FBXO25: variants seen among roughly 807,000 people sequenced by gnomAD.
FBXO25 encodes F-box only protein 25.
Under a neutral mutation model 51.9 loss-of-function variants are expected in FBXO25, and 45 were observed. The observed-to-expected ratio is 0.87, with a 90% CI of 0.68 to 1.11. The LOEUF is 1.11. FBXO25 is among the 50% of genes most tolerant of loss of function. The pLI, the probability that FBXO25 is intolerant of heterozygous loss-of-function variation, is 0.00. For missense variants in FBXO25, 507 were observed against 428.5 expected (o/e 1.18, Z -1.62); for synonymous variants, 199 against 151.0 (o/e 1.32, Z -2.33).
chr8:455,820 C>G (rs1056400775), intron 7 of FBXO25, among the ~76,000 whole-genome samples: 1 of 152,230 alleles, frequency 6.6e-6, no homozygotes, highest in Non-Finnish European at 1.5e-5. Flanking sequence ...AGCAGGATTT[C>G]TGACATGTTC....
intron 5 of FBXO25, among the ~76,000 whole-genome samples, chr8:442,792 T>G (rs1798510640): frequency 6.6e-6 from 1 of 152,180 alleles, no homozygotes; most frequent in African/African-American, 2.4e-5. Context: ...ATAAAAAGAT[T>G]CTACACAAAG....
Position 452,044 on chromosome 8 carries a change from G to T in FBXO25, c.660+591G>T, listed in dbSNP as rs191871129. ...CTCATAAGAAAAAGAATAAACCGAAGATATATCTTAGCGGTGTGCCTTACG... is the reference window on the plus strand; with the variant it reads ...CTCATAAGAAAAAGAATAAACCGAATATATATCTTAGCGGTGTGCCTTACG... On this transcript the variant is annotated intron_variant, in intron 7 of 9. Coordinates refer to ENST00000350302, the MANE Select transcript of FBXO25 (RefSeq NM_183420.2). Among the ~76,000 whole-genome samples, 9 of 152,294 alleles carry T rather than the reference G, an allele frequency of 5.9e-5. No homozygotes were observed. In the East Asian group the frequency reaches 1.7e-3, roughly 29 times the overall value.
At position 429,749 on chromosome 8, in the gene FBXO25, A is replaced by G. The variant is rs1249377422; in HGVS notation, c.135-1592A>G. On this transcript the variant is annotated intron_variant, in intron 2 of 9. Coordinates refer to ENST00000350302, the MANE Select transcript of FBXO25 (RefSeq NM_183420.2). The stretch of plus-strand genomic sequence containing the variant: ...CAGGCTTGGTCCTCAAGTCTGACAT[A>G]GACTCCCCAAGGCCCTAATGCTGAA... Among the ~76,000 whole-genome samples, 4 of 152,222 alleles carry G rather than the reference A, an allele frequency of 2.6e-5. No individual in the cohort carries two copies. The East Asian group carries it at 7.7e-4, about 29-fold the overall frequency.
intron 8 of FBXO25, among the ~76,000 whole-genome samples, chr8:461,385 T>C (rs1445044295): frequency 6.6e-6 from 1 of 152,118 alleles, no homozygotes; most frequent in Non-Finnish European, 1.5e-5. Context: ...ACAATCCTGG[T>C]GGAAGGCAAA....
chr8:451,960 A>C (rs138932378), intron 7 of FBXO25, among the ~76,000 whole-genome samples: 12 of 152,368 alleles, frequency 7.9e-5, no homozygotes, highest in Non-Finnish European at 1.3e-4. Flanking sequence ...AGTTTCAACA[A>C]GAATAATGTT....
chr8:437,737 CTA>C (rs1451123109), intron 5 of FBXO25, among the ~76,000 whole-genome samples: 4 of 138,252 alleles, frequency 2.9e-5, no homozygotes, highest in East Asian at 2.0e-4. Context: ...TCAGTGTGTG[CTA>C]TTTTTTTTTT....
intron 6 of FBXO25, 34 bp downstream of exon 6, chr8:450,117 T>C (rs1276795969): frequency 6.7e-7 from 1 of 1,487,458 alleles, no homozygotes; most frequent in Non-Finnish European, 9.3e-7. Flanking sequence ...ATACTCTAAA[T>C]CTTAATTAGA....
chr8:412,992 T>C, intron 1 of FBXO25, 81 bp from the exon 2 acceptor site: 1 of 1,060,004 alleles, frequency 9.4e-7, no homozygotes. Flanking sequence ...ACTTTAATCT[T>C]TAAAATTAAT....
chr8:438,233 A>G (rs1180772782), intron 5 of FBXO25, among the ~76,000 whole-genome samples: 2 of 151,822 alleles, frequency 1.3e-5, no homozygotes, highest in Admixed American at 6.6e-5. Flanking sequence ...TCTTTTTTGT[A>G]TTTTTAGTAG....
intron 2 of FBXO25, among the ~76,000 whole-genome samples, chr8:417,570 C>A (rs1563063390): frequency 6.6e-6 from 1 of 152,188 alleles, no homozygotes; most frequent in Non-Finnish European, 1.5e-5. Context: ...CTAAATCCGC[C>A]TTGTCTTGCA....
At chr8:464,031 G>A (rs1799990672) in intron 9 of FBXO25, among the ~76,000 whole-genome samples, 2 of 152,080 alleles carry the variant, frequency 1.3e-5, no homozygotes, top group Admixed American at 1.3e-4. Context: ...GTGCAGTGGC[G>A]CAATTATGGC....
chr8:430,540 G>C (rs2117606288), intron 2 of FBXO25, among the ~76,000 whole-genome samples: 1 of 152,120 alleles, frequency 6.6e-6, no homozygotes, highest in South Asian at 2.1e-4. Context: ...AGCAATTTTA[G>C]TTCCTTGGAT....
At position 409,544 on chromosome 8, in the gene FBXO25, C is replaced by G. The variant is rs560236789; in HGVS notation, c.-8+2478C>G. ...TATTAATGGAAACAGTAGGCAGGCTCTTTATGTAAATGTTATAAAGATTGT... is the reference window on the plus strand; with the variant it reads ...TATTAATGGAAACAGTAGGCAGGCTGTTTATGTAAATGTTATAAAGATTGT... On this transcript the variant is annotated intron_variant, in intron 1 of 9. Transcript: ENST00000350302. Among the ~76,000 whole-genome samples, 8 of 152,212 alleles carry G rather than the reference C, an allele frequency of 5.3e-5. No individual in the cohort carries two copies. In the East Asian group the frequency reaches 1.5e-3, roughly 29 times the overall value.
chr8:452,758 G>C (rs931054946), intron 7 of FBXO25, among the ~76,000 whole-genome samples: 1 of 152,232 alleles, frequency 6.6e-6, no homozygotes, highest in African/African-American at 2.4e-5. Flanking sequence ...TGTGGAGCCA[G>C]TGGAGAGATG....
intron 5 of FBXO25, among the ~76,000 whole-genome samples, chr8:441,582 C>A (rs1798428027): frequency 6.6e-6 from 1 of 152,142 alleles, no homozygotes; most frequent in Non-Finnish European, 1.5e-5. Flanking sequence ...GAAGAGGCAA[C>A]CTACAGAATG....
In FBXO25 at chr8:474,781, C is replaced by G. The variant is rs191705769; in HGVS notation, c.*5977C>G. 5.0e-4 allele frequency: 226 copies of G among 456,156 alleles called. 3 individuals are homozygous for G. The Admixed American group carries it at 5.2e-3, about 10-fold the overall frequency. The allele number at this position is 456,156 out of a possible 1,614,324, so 28.3% of individuals were successfully genotyped here. On this transcript the variant is annotated 3_prime_UTR_variant, in exon 10 of 10. Transcript: ENST00000350302. Reference sequence around the variant, plus strand: ...TATATCATTTTAAAATACTTTGTCCCATTCCGTGGATTGCCTTTCACTCTG... The same window carrying G: ...TATATCATTTTAAAATACTTTGTCCGATTCCGTGGATTGCCTTTCACTCTG...
At chr8:407,411 TC>T (rs1446901314) in intron 1 of FBXO25, 1 of 984,178 alleles carries the variant, frequency 1.0e-6, no homozygotes, top group African/African-American at 1.8e-5. Context: ...CGCGGGCGCG[TC>T]AGGTGGGGTC....
At chr8:427,246 G>A (rs189439203) in intron 2 of FBXO25, among the ~76,000 whole-genome samples, 2,485 of 152,062 alleles carry the variant, frequency 0.016, 9 homozygotes, top group African/African-American at 0.057. Flanking sequence ...GCTCCTGCTT[G>A]ACAGAAGAGG....
At chr8:456,675 G>C (rs937364389) in intron 7 of FBXO25, among the ~76,000 whole-genome samples, 2 of 152,148 alleles carry the variant, frequency 1.3e-5, no homozygotes, top group African/African-American at 4.8e-5. Flanking sequence ...CAGAATGTTA[G>C]AGCACTTCAC....
Sources: gnomAD v4.1 joint callset for allele counts (sites outside exome capture counted in the v4.1 genomes callset) on GRCh38, gnomAD v4.1.1 for gene constraint, MANE v1.5 for transcripts, NCBI Gene and HGNC (gene_info 2026-07-23, HGNC 2026-07-21) for gene names.